DOK6: variants seen among roughly 807,000 people sequenced by gnomAD.
DOK6 encodes the protein downstream of tyrosine kinase 6.
DOK6 carries 22 observed loss-of-function variants against 44.0 expected under a neutral mutation model. The observed-to-expected ratio is 0.50, with a 90% CI of 0.36 to 0.71. DOK6 has a LOEUF of 0.71. DOK6 is among the 30% of genes least tolerant of loss of function. The pLI, the probability that DOK6 is intolerant of heterozygous loss-of-function variation, is 0.00. For synonymous variants in DOK6, 166 were observed against 145.5 expected (o/e 1.14, Z -1.01); for missense variants, 340 against 416.4 (o/e 0.82, Z 1.60).
intron 7 of DOK6, among the ~76,000 whole-genome samples, chr18:69,760,006 CCTCA>C (rs1204090103): frequency 6.6e-6 from 1 of 152,040 alleles, no homozygotes; most frequent in African/African-American, 2.4e-5. Flanking sequence ...CCTGTATACC[CCTCA>C]GTGTTATAGA....
At chr18:69,525,328 T>TA (rs1459261067) in intron 1 of DOK6, among the ~76,000 whole-genome samples, 10 of 152,100 alleles carry the variant, frequency 6.6e-5, no homozygotes, top group Non-Finnish European at 1.3e-4. Flanking sequence ...CTTTATATTT[T>TA]AAAATTTTAA....
chr18:69,776,421 A>C (rs1980067049), intron 7 of DOK6, among the ~76,000 whole-genome samples: 2 of 152,058 alleles, frequency 1.3e-5, no homozygotes, highest in African/African-American at 2.4e-5. Flanking sequence ...AATAAAAGAC[A>C]ACACAATAAG....
chr18:69,657,699 G>A (rs1347617569), intron 3 of DOK6, among the ~76,000 whole-genome samples: 2 of 152,130 alleles, frequency 1.3e-5, no homozygotes, highest in African/African-American at 2.4e-5. Context: ...ATTAAGTGCT[G>A]ATAACTTTTA....
At chr18:69,822,765 C>A (rs1001098903) in intron 7 of DOK6, among the ~76,000 whole-genome samples, 3 of 152,182 alleles carry the variant, frequency 2.0e-5, no homozygotes, top group African/African-American at 7.2e-5. Context: ...AAAAAACGTT[C>A]ATTTTCTCAC....
In DOK6 at chr18:69,666,574, C is replaced by T. The variant is rs891198104; in HGVS notation, c.290-11160C>T. Among the ~76,000 whole-genome samples the T allele has an allele frequency of 9.2e-5, 14 of 152,180 alleles. No homozygotes were observed. In the East Asian group the frequency reaches 2.1e-3, roughly 23 times the overall value. On this transcript the variant is annotated intron_variant, in intron 3 of 7. Coordinates refer to ENST00000382713, the MANE Select transcript of DOK6 (RefSeq NM_152721.6). The stretch of plus-strand genomic sequence containing the variant: ...GCAGAATGGCTCTGTTAATCATCGA[C>T]ATCACATATTCAGACTGATGCAGGC...
At chr18:69,749,181 A>G (rs1423554525) in intron 6 of DOK6, among the ~76,000 whole-genome samples, 1 of 152,136 alleles carries the variant, frequency 6.6e-6, no homozygotes, top group Non-Finnish European at 1.5e-5. Context: ...GAGGGAGACC[A>G]TTAGGAAAAA....
intron 1 of DOK6, among the ~76,000 whole-genome samples, chr18:69,512,636 G>A (rs940414849): frequency 1.3e-5 from 2 of 152,062 alleles, no homozygotes; most frequent in Admixed American, 1.3e-4. Flanking sequence ...GAGCCACCGC[G>A]CCTGGCCAGG....
chr18:69,439,348 T>G (rs1979074071), intron 1 of DOK6, among the ~76,000 whole-genome samples: 1 of 152,142 alleles, frequency 6.6e-6, no homozygotes, highest in East Asian at 1.9e-4. Context: ...GGCTGCAACT[T>G]AAAGTCACCA....
chr18:69,423,885 A>G (rs549978255), intron 1 of DOK6, among the ~76,000 whole-genome samples: 35 of 152,344 alleles, frequency 2.3e-4, no homozygotes, highest in African/African-American at 6.7e-4. Context: ...GTTATTTCAG[A>G]AGAAAACTCA....
chr18:69,637,938 T>C (rs980402818), intron 3 of DOK6, among the ~76,000 whole-genome samples: 29 of 152,310 alleles, frequency 1.9e-4, no homozygotes, highest in African/African-American at 6.3e-4. Flanking sequence ...GAGATCTATA[T>C]TATGCCCGTC....
At chr18:69,732,418 T>A (rs75831204) in intron 5 of DOK6, among the ~76,000 whole-genome samples, 2,166 of 152,294 alleles carry the variant, frequency 0.014, 49 homozygotes, top group African/African-American at 0.049. Context: ...ATGCAAGTCT[T>A]ATGACTTACA....
chr18:69,826,698 C>T (rs1981751844), intron 7 of DOK6, among the ~76,000 whole-genome samples: 1 of 152,150 alleles, frequency 6.6e-6, no homozygotes, highest in South Asian at 2.1e-4. Flanking sequence ...GTAGGTGTTA[C>T]TAACTAGAAA....
At chr18:69,811,095 A>G (rs964423018) in intron 7 of DOK6, among the ~76,000 whole-genome samples, 2 of 152,146 alleles carry the variant, frequency 1.3e-5, no homozygotes, top group African/African-American at 2.4e-5. Context: ...AATGTGGTAC[A>G]TACACACAAA....
In DOK6 at chr18:69,599,400, A is replaced by G; in HGVS notation, c.191A>G (p.Asn64Ser). 1 of 1,613,630 alleles carries G rather than the reference A, an allele frequency of 6.2e-7. No individual in the cohort carries two copies. Among genetic ancestry groups the G allele is most frequent in the Non-Finnish European group, 8.5e-7 (1 of 1,179,812 alleles). Residue 64 changes from asparagine to serine, a missense_variant, in exon 3 of 8, where the codon AAT (asparagine) becomes AGT (serine). By Grantham distance (46) the Asn-to-Ser change is conservative (BLOSUM62 1). This residue lies in a region of DOK6 where 206 missense variants were observed against 258.6 expected (regional missense o/e 0.80). Coordinates refer to ENST00000382713, the MANE Select transcript of DOK6 (RefSeq NM_152721.6). ...TCTTTCAAGGTAACTGAACTGCACAATATCAAAAATATAACCAGACTGCCC... is the reference window on the plus strand; with the variant it reads ...TCTTTCAAGGTAACTGAACTGCACAGTATCAAAAATATAACCAGACTGCCC... ...RNFHKVTELH[N>S]IKNITRLPRE...
intron 1 of DOK6, among the ~76,000 whole-genome samples, chr18:69,530,501 A>G (rs1484308526): frequency 3.3e-5 from 5 of 152,172 alleles, no homozygotes; most frequent in African/African-American, 1.2e-4. Flanking sequence ...TTGGAGAACC[A>G]AGAAAGATGA....
At chr18:69,558,497 T>C (rs986279438) in intron 1 of DOK6, among the ~76,000 whole-genome samples, 2 of 152,136 alleles carry the variant, frequency 1.3e-5, no homozygotes, top group African/African-American at 4.8e-5. Flanking sequence ...CTACTTTAAG[T>C]TTAAAATTCA....
At chr18:69,560,235 A>ATTG (rs1178410910) in intron 1 of DOK6, among the ~76,000 whole-genome samples, 1 of 152,172 alleles carries the variant, frequency 6.6e-6, no homozygotes, top group Non-Finnish European at 1.5e-5. Flanking sequence ...TAAAAATTAA[A>ATTG]TTGTTGTGAC....
chr18:69,836,247 T>C (rs1377267813), intron 7 of DOK6, among the ~76,000 whole-genome samples: 1 of 152,218 alleles, frequency 6.6e-6, no homozygotes, highest in Non-Finnish European at 1.5e-5. Flanking sequence ...TTTTTAAGGC[T>C]AGAGTGGTTT....
chr18:69,666,632 T>C (rs1469301185), intron 3 of DOK6, among the ~76,000 whole-genome samples: 3 of 152,212 alleles, frequency 2.0e-5, no homozygotes, highest in African/African-American at 4.8e-5. Flanking sequence ...TATTGGCCTA[T>C]TTATGGTGTT....
Sources: gnomAD v4.1 joint callset for allele counts (sites outside exome capture counted in the v4.1 genomes callset) on GRCh38, gnomAD v4.1.1 for gene constraint, gnomAD v4.1.1 regional missense constraint, MANE v1.5 for transcripts, NCBI Gene and HGNC (gene_info 2026-07-23, HGNC 2026-07-21) for gene names.